Variants in NUP107 observed in about 807,000 individuals in gnomAD.
NUP107 encodes nucleoporin 107, also known as nuclear pore complex protein Nup107.
Under a neutral mutation model 141.0 loss-of-function variants are expected in NUP107, and 101 were observed. The observed-to-expected ratio is 0.72, with a 90% CI of 0.61 to 0.84. The LOEUF (loss-of-function observed/expected upper bound fraction) is 0.84, where lower values mean the gene tolerates loss of function less well. Among genes scored for constraint, NUP107 ranks in the 40% least tolerant of loss-of-function variants. NUP107 has a pLI of 0.00. For missense variants in NUP107, 941 were observed against 1,102.7 expected (o/e 0.85, Z 2.08); for synonymous variants, 319 against 363.9 (o/e 0.88, Z 1.41).
rs1592511278 is a variant in NUP107 at position 68,719,403 on chromosome 12, A to G, written c.1146A>G (p.Lys382=). 1.2e-5 allele frequency: 20 copies of G among 1,614,146 alleles called. No homozygotes were observed. Among genetic ancestry groups the G allele is most frequent in the Non-Finnish European group, 1.5e-5 (18 of 1,179,990 alleles). Residue 382 remains lysine, a synonymous_variant, in exon 13 of 28, where the codon AAA becomes AAG. Coordinates refer to ENST00000229179, the MANE Select transcript of NUP107 (RefSeq NM_020401.4). Reference sequence around the variant, plus strand: ...GAGCTGCAACACTTGAAGGCTGGAAACTGTACCATGACCCTAATGTTAATG... The same window carrying G: ...GAGCTGCAACACTTGAAGGCTGGAAGCTGTACCATGACCCTAATGTTAATG... ...AWRAATLEGW[K]LYHDPNVNGG...
chr12:68,722,049 T>C, intron 16 of NUP107, 55 bp from the exon 17 acceptor site: 1 of 1,610,788 alleles, frequency 6.2e-7, no homozygotes, highest in Non-Finnish European at 8.5e-7. Context: ...TGTTTCGTTT[T>C]ACACCCCTTT....
At chr12:68,688,813 T>G in intron 1 of NUP107, 149 bp from the exon 2 acceptor site, 2 of 494,376 alleles carry the variant, frequency 4.0e-6, no homozygotes, top group South Asian at 3.4e-5. Flanking sequence ...GAGCCAGGAG[T>G]GCGTTCTCAA....
intron 5 of NUP107, 27 bp from the exon 6 acceptor site, chr12:68,696,792 C>T: frequency 8.9e-7 from 1 of 1,122,692 alleles, no homozygotes; most frequent in Non-Finnish European, 1.3e-6. Flanking sequence ...TTTCTTTATT[C>T]CTTTTTTTTT....
intron 12 of NUP107, 104 bp from the exon 13 acceptor site, chr12:68,719,237 T>C: frequency 5.0e-6 from 4 of 792,320 alleles, no homozygotes; most frequent in Non-Finnish European, 8.4e-6. Flanking sequence ...ATGGGATGGA[T>C]GGAACATTTG....
intron 1 of NUP107, 124 bp downstream of exon 1, chr12:68,687,197 C>G: frequency 7.4e-7 from 1 of 1,350,432 alleles, no homozygotes; most frequent in Non-Finnish European, 1.0e-6. Context: ...CCCTAAGGCT[C>G]CTTCCCCATG....
At chr12:68,708,619 G>GT (rs879328102) in intron 8 of NUP107, among the ~76,000 whole-genome samples, 580 of 145,182 alleles carry the variant, frequency 4.0e-3, no homozygotes, top group Non-Finnish European at 4.0e-3. Flanking sequence ...CTGTATTACA[G>GT]TTTTTTTTTT....
chr12:68,742,048 G>C, intron 27 of NUP107, 68 bp downstream of exon 27: 1 of 1,238,638 alleles, frequency 8.1e-7, no homozygotes, highest in South Asian at 1.6e-5. Context: ...TATTAATTTT[G>C]TGAAGATGTG....
At chr12:68,719,182 C>T (rs1172380426) in intron 12 of NUP107, among the ~76,000 whole-genome samples, 159 bp from the exon 13 acceptor site, 2 of 152,176 alleles carry the variant, frequency 1.3e-5, no homozygotes, top group Admixed American at 6.5e-5. Flanking sequence ...AGCCACCACG[C>T]CCAGCCAGAA....
rs192940113 is a variant in NUP107 at position 68,697,343 on chromosome 12, G to A, written c.552+421G>A. Among the ~76,000 whole-genome samples, 137 of 152,176 alleles carry A rather than the reference G, an allele frequency of 9.0e-4. 1 individual carries two copies. Among genetic ancestry groups the A allele is most frequent in the Admixed American group, 8.3e-3 (126 of 15,264 alleles). ...GGAGGCTCAGGTGGGAGGATTGCAT[G>A]AGCCGCAGAGTTTGAGGCTACAGTG... On this transcript the variant is annotated intron_variant, in intron 6 of 27. Transcript: ENST00000229179.
chr12:68,713,985 G>T, intron 11 of NUP107, 177 bp downstream of exon 11: 1 of 552,338 alleles, frequency 1.8e-6, no homozygotes, highest in East Asian at 3.1e-5. Context: ...AAACATATCC[G>T]TGACCTTTGA....
At chr12:68,705,725 C>T in intron 8 of NUP107, 1 of 670,880 alleles carries the variant, frequency 1.5e-6, no homozygotes, top group Non-Finnish European at 2.8e-6. Context: ...GGGCCCAGTG[C>T]CTGCATCAGC....
intron 20 of NUP107, among the ~76,000 whole-genome samples, chr12:68,729,479 C>T (rs528476797): frequency 8.6e-5 from 13 of 150,716 alleles, no homozygotes; most frequent in Non-Finnish European, 1.0e-4. Flanking sequence ...CTTTGATGCC[C>T]GGGCTGGAGT....
intron 23 of NUP107, 137 bp from the exon 24 acceptor site, chr12:68,733,315 A>G: frequency 6.3e-6 from 4 of 638,954 alleles, no homozygotes. Context: ...AAAGATCACC[A>G]AGACCTTTAA....
At chr12:68,706,394 C>T (rs532990898) in intron 8 of NUP107, 9 of 1,170,076 alleles carry the variant, frequency 7.7e-6, no homozygotes, top group Admixed American at 1.7e-5. Flanking sequence ...CAGTCGCTCC[C>T]TGGACATGAA....
chr12:68,689,045 G>A lies in NUP107; in HGVS notation c.92G>A (p.Arg31Lys). 3 of 1,610,744 alleles carry A rather than the reference G, an allele frequency of 1.9e-6. No homozygotes were observed. Among genetic ancestry groups the A allele is most frequent in the Non-Finnish European group, 2.5e-6 (3 of 1,177,444 alleles). ...GCACGGAAACAGAGTGCTCAGAAAA[G>A]AGTTTTACGTATCCTTTGCGATTTA... ...RTARKQSAQK[R>K]VLLQASQDEN... The change falls in exon 2 of 28, where the codon AGA becomes AAA. Residue 31 changes from arginine to lysine, a missense_variant. By Grantham distance (26) the Arg-to-Lys change is conservative. Coordinates refer to ENST00000229179, the MANE Select transcript of NUP107 (RefSeq NM_020401.4).
Position 68,713,781 on chromosome 12 carries a change from A to C in NUP107, c.942A>C (p.Gly314=). 6.2e-7 allele frequency: 1 copy of C among 1,611,018 alleles called. No individual in the cohort carries two copies. Among genetic ancestry groups the C allele is most frequent in the Non-Finnish European group, 8.5e-7 (1 of 1,179,014 alleles). ...AACGGCAGCTGACTTCTTACGTTGG[A>C]AGTGTTCGTCCGCTTGTCACTGAAT... ...LKQRQLTSYV[G]SVRPLVTELD... is the part of the protein sequence containing the mutation. Residue 314 remains glycine, a synonymous_variant, in exon 11 of 28, where the codon GGA becomes GGC. Coordinates refer to ENST00000229179, the MANE Select transcript of NUP107 (RefSeq NM_020401.4).
chr12:68,696,009 TAAAAA>T (rs902805156), intron 5 of NUP107, among the ~76,000 whole-genome samples: 1 of 138,620 alleles, frequency 7.2e-6, no homozygotes, highest in Admixed American at 7.3e-5. Context: ...CCCCCTCTCT[TAAAAA>T]AAAAAAAAAG....
rs992874442 is a variant in NUP107, at chr12:68,712,645, T to G, written c.891-1085T>G. Among the ~76,000 whole-genome samples, 9 of 142,682 alleles carry G rather than the reference T, an allele frequency of 6.3e-5. No homozygotes were observed. The East Asian group carries it at 8.7e-4, about 14-fold the overall frequency. 93.6% of individuals were successfully genotyped at this position (142,682 alleles called of 152,430 possible). ...TTTTTTTTTTGTTTTTTGTTTTTTG[T>G]TTTTTTTTTTTAGTTAAAATGCCCT... On this transcript the variant is annotated intron_variant, in intron 10 of 27. Coordinates refer to ENST00000229179, the MANE Select transcript of NUP107 (RefSeq NM_020401.4).
At chr12:68,709,102 T>G in intron 8 of NUP107, 136 bp from the exon 9 acceptor site, 1 of 587,696 alleles carries the variant, frequency 1.7e-6, no homozygotes, top group South Asian at 2.2e-5. Context: ...ACAGATTTAC[T>G]ATGTGGTAAA....
Sources: gnomAD v4.1 joint callset for allele counts (sites outside exome capture counted in the v4.1 genomes callset) on GRCh38, gnomAD v4.1.1 for gene constraint, MANE v1.5 for transcripts, NCBI Gene and HGNC (gene_info 2026-07-23, HGNC 2026-07-21) for gene names.